Variants in LRRC4C observed in about 807,000 individuals in gnomAD.
LRRC4C encodes the protein leucine-rich repeat-containing protein 4C.
In LRRC4C, 5 loss-of-function variants were observed where a neutral mutation model predicts 33.6. The ratio of observed to expected loss-of-function variants is 0.15; its 90% CI spans 0.08 to 0.31. The LOEUF (loss-of-function observed/expected upper bound fraction) is 0.31, where lower values mean the gene tolerates loss of function less well. Among genes scored for constraint, LRRC4C ranks in the 10% least tolerant of loss-of-function variants. LRRC4C has a pLI of 1.00. For missense variants in LRRC4C, 560 were observed against 796.7 expected (o/e 0.70, Z 3.58); for synonymous variants, 329 against 302.0 (o/e 1.09, Z -0.93).
chr11:40,158,640 G>C (rs1481354565), intron 5 of LRRC4C, among the ~76,000 whole-genome samples: 1 of 151,598 alleles, frequency 6.6e-6, no homozygotes, highest in African/African-American at 2.4e-5. Flanking sequence ...GAGAGGGGCT[G>C]TTGCTCTCTG....
At chr11:40,217,505 A>G (rs1349632119) in intron 5 of LRRC4C, among the ~76,000 whole-genome samples, 1 of 152,066 alleles carries the variant, frequency 6.6e-6, no homozygotes, top group African/African-American at 2.4e-5. Context: ...GTATATTTAG[A>G]TACATTTCTG....
chr11:41,121,037 T>C (rs1590660230), intron 1 of LRRC4C, among the ~76,000 whole-genome samples: 1 of 152,298 alleles, frequency 6.6e-6, no homozygotes, highest in South Asian at 2.1e-4. Context: ...AAAGCTTTTT[T>C]TCTTTATAAA....
intron 1 of LRRC4C, among the ~76,000 whole-genome samples, chr11:40,949,921 C>A (rs1958615780): frequency 6.6e-6 from 1 of 152,084 alleles, no homozygotes; most frequent in Non-Finnish European, 1.5e-5. Context: ...CACAGACTGG[C>A]AAATTGGATA....
intron 3 of LRRC4C, among the ~76,000 whole-genome samples, chr11:40,500,293 T>TATACACACACACACAC (rs1394949843): frequency 1.0e-5 from 1 of 96,846 alleles, no homozygotes; most frequent in Non-Finnish European, 2.0e-5. Context: ...TATATATATA[T>TATACACACACACACAC]ACACACACAC....
chr11:40,897,615 T>TA (rs374800167), intron 2 of LRRC4C, among the ~76,000 whole-genome samples: 5 of 152,308 alleles, frequency 3.3e-5, no homozygotes, highest in African/African-American at 1.2e-4. Flanking sequence ...CCAAAATGAC[T>TA]AAAAAATATT....
chr11:40,124,903 A>G (rs1856092788), intron 6 of LRRC4C, among the ~76,000 whole-genome samples: 1 of 152,114 alleles, frequency 6.6e-6, no homozygotes, highest in Non-Finnish European at 1.5e-5. Context: ...GTATCAAAGT[A>G]TCTTATGTAT....
chr11:41,066,805 A>G (rs1278838584), intron 1 of LRRC4C, among the ~76,000 whole-genome samples: 1 of 152,224 alleles, frequency 6.6e-6, no homozygotes, highest in Non-Finnish European at 1.5e-5. Context: ...TTTCATATCC[A>G]GCCAAACTAA....
intron 1 of LRRC4C, among the ~76,000 whole-genome samples, chr11:41,088,916 A>T (rs528779188): frequency 6.6e-6 from 1 of 152,218 alleles, no homozygotes; most frequent in Non-Finnish European, 1.5e-5. Context: ...TTAGATTTAG[A>T]TAACCGAAAC....
Position 40,676,172 on chromosome 11 carries a change from A to T in LRRC4C, c.-406-27894T>A, listed in dbSNP as rs118023285. Among the ~76,000 whole-genome samples the T allele has an allele frequency of 2.4e-3, 363 of 152,306 alleles. 1 individual carries two copies. The highest frequency in any genetic ancestry group is 4.0e-3 in the Non-Finnish European group (274 of 68,026). Reference sequence around the variant, plus strand: ...CATAAATCAAACAGCCAACTAGATGATGAAGACTGAACAACGTTAACTTTT... The same window carrying T: ...CATAAATCAAACAGCCAACTAGATGTTGAAGACTGAACAACGTTAACTTTT... On this transcript the variant is annotated intron_variant, in intron 2 of 6. Transcript: ENST00000528697.
At chr11:40,570,313 C>T (rs1310264703) in intron 3 of LRRC4C, among the ~76,000 whole-genome samples, 1 of 152,072 alleles carries the variant, frequency 6.6e-6, no homozygotes, top group East Asian at 1.9e-4. Context: ...TGAGACAAGT[C>T]TCAGAGTGGC....
At chr11:40,671,222 T>C (rs7932451) in intron 2 of LRRC4C, among the ~76,000 whole-genome samples, 63,531 of 151,910 alleles carry the variant, frequency 0.42, 13,560 homozygotes, top group East Asian at 0.63. Flanking sequence ...TTTGAAACTG[T>C]GATTAATCAT....
At chr11:40,782,068 A>C (rs1950232050) in intron 2 of LRRC4C, among the ~76,000 whole-genome samples, 1 of 152,026 alleles carries the variant, frequency 6.6e-6, no homozygotes, top group Non-Finnish European at 1.5e-5. Context: ...CTGCATGCCT[A>C]TTTTTTCTTC....
At chr11:40,150,568 T>C (rs1222798388) in intron 5 of LRRC4C, among the ~76,000 whole-genome samples, 4 of 152,294 alleles carry the variant, frequency 2.6e-5, no homozygotes, top group African/African-American at 9.6e-5. Flanking sequence ...TCTTGAGTAG[T>C]TGGGATAACA....
intron 6 of LRRC4C, among the ~76,000 whole-genome samples, chr11:40,137,095 A>C (rs547304521): frequency 6.6e-6 from 1 of 152,320 alleles, no homozygotes; most frequent in South Asian, 2.1e-4. Context: ...GCTCTTTGAA[A>C]CAACAAAATT....
In LRRC4C at chr11:41,231,003, A is replaced by C. The variant is rs183309908; in HGVS notation, c.-496+228428T>G. ...GAAGACATTTATGCAACCAACTGAC[A>C]CATGAAAAGATGCTCATCATTGCTG... On this transcript the variant is annotated intron_variant, in intron 1 of 6. Coordinates refer to ENST00000528697, the MANE Select transcript of LRRC4C (RefSeq NM_001258419.2). 1.5e-4 allele frequency among the ~76,000 whole-genome samples: 23 copies of C among 152,274 alleles called. No individual in the cohort carries two copies. The East Asian group carries it at 4.4e-3, about 29-fold the overall frequency.
chr11:41,095,733 G>A (rs1940767293), intron 1 of LRRC4C, among the ~76,000 whole-genome samples: 1 of 152,126 alleles, frequency 6.6e-6, no homozygotes, highest in African/African-American at 2.4e-5. Flanking sequence ...AGGAATTTGG[G>A]TTTTACATTA....
intron 3 of LRRC4C, among the ~76,000 whole-genome samples, chr11:40,568,825 ACAAT>A (rs1350671501): frequency 6.6e-6 from 1 of 152,226 alleles, no homozygotes; most frequent in Non-Finnish European, 1.5e-5. Flanking sequence ...AAATTAGGAA[ACAAT>A]CAAATGATCT....
chr11:40,952,890 A>T (rs1022086197), intron 1 of LRRC4C, among the ~76,000 whole-genome samples: 6 of 50,390 alleles, frequency 1.2e-4, no homozygotes, highest in African/African-American at 2.4e-4. Context: ...ACACACACAC[A>T]CACACACTCT....
At chr11:40,479,876 G>T (rs1385684846) in intron 3 of LRRC4C, among the ~76,000 whole-genome samples, 1 of 152,098 alleles carries the variant, frequency 6.6e-6, no homozygotes, top group Non-Finnish European at 1.5e-5. Flanking sequence ...CTTCCTAATT[G>T]TAACATTGGG....
Sources: allele counts gnomAD v4.1 joint callset (sites outside exome capture counted in the v4.1 genomes callset), GRCh38; gene constraint gnomAD v4.1.1; transcripts MANE v1.5; gene names NCBI Gene and HGNC (gene_info 2026-07-23, HGNC 2026-07-21).